The following CPPED1 variants were observed in gnomAD, a reference collection of about 807,000 sequenced individuals.
The protein encoded by CPPED1 is calcineurin like phosphoesterase domain containing 1.
In CPPED1, 28 loss-of-function variants were observed where a neutral mutation model predicts 28.0. That is an observed-to-expected ratio of 1.00 (90% CI 0.74 to 1.37). CPPED1 has a LOEUF of 1.37. Among genes scored for constraint, CPPED1 ranks in the 40% most tolerant of loss-of-function variants. CPPED1 has a pLI of 0.00. For missense variants in CPPED1, 504 were observed against 416.5 expected (o/e 1.21, Z -1.83); for synonymous variants, 198 against 180.2 (o/e 1.10, Z -0.79).
intron 2 of CPPED1, among the ~76,000 whole-genome samples, chr16:12,728,238 G>C (rs182347856): frequency 5.2e-4 from 79 of 152,268 alleles, no homozygotes; most frequent in African/African-American, 1.8e-3. Flanking sequence ...CAGTGTAAGA[G>C]AGGGGAGAAA....
At chr16:12,700,514 C>T (rs546441507) in intron 3 of CPPED1, among the ~76,000 whole-genome samples, 43 of 152,308 alleles carry the variant, frequency 2.8e-4, no homozygotes, top group African/African-American at 7.0e-4. Context: ...CCTCAGCCTC[C>T]GCAGTAGCTG....
At chr16:12,773,155 T>C (rs1270474510) in intron 2 of CPPED1, among the ~76,000 whole-genome samples, 2 of 152,194 alleles carry the variant, frequency 1.3e-5, no homozygotes, top group Non-Finnish European at 2.9e-5. Context: ...CTCTTAAGCA[T>C]TCTGCATAAA....
chr16:12,687,547 G>T (rs895311516), intron 3 of CPPED1, among the ~76,000 whole-genome samples: 19 of 152,204 alleles, frequency 1.2e-4, no homozygotes, highest in African/African-American at 3.9e-4. Flanking sequence ...GAGGTGGGCA[G>T]ATCACTTGAC....
rs2080526807 is a variant in CPPED1 at position 12,780,964 on chromosome 16, C to T, written c.289+221G>A. 17 of 566,708 alleles carry T rather than the reference C, an allele frequency of 3.0e-5. No homozygotes were observed. The South Asian group carries it at 3.5e-4, about 12-fold the overall frequency. 35.1% of individuals were successfully genotyped at this position (566,708 alleles called of 1,614,324 possible). A position where few individuals can be genotyped will look rare whatever the true frequency, so the allele number is the denominator to read the frequency against. ...TCATATTAAGCTCAAATCATCAGAACTGTAGCTGTGCCTAATTACTGTGAT... is the reference window on the plus strand; with the variant it reads ...TCATATTAAGCTCAAATCATCAGAATTGTAGCTGTGCCTAATTACTGTGAT... On this transcript the variant is annotated intron_variant, in intron 2 of 3. Coordinates refer to ENST00000381774, the MANE Select transcript of CPPED1 (RefSeq NM_018340.3).
chr16:12,734,058 GTTTTTTTTT>G (rs71142517), intron 2 of CPPED1, among the ~76,000 whole-genome samples: 13 of 64,422 alleles, frequency 2.0e-4, no homozygotes, highest in Non-Finnish European at 2.7e-4. Flanking sequence ...CAAATTACAC[GTTTTTTTTT>G]TTTTTTTTTT....
chr16:12,762,036 T>C (rs1005387969), intron 2 of CPPED1, among the ~76,000 whole-genome samples: 2 of 148,714 alleles, frequency 1.3e-5, no homozygotes. Context: ...AAGTGAACAA[T>C]GTCAGCACCA....
rs2079812329 is a variant in CPPED1 at position 12,664,238 on chromosome 16, T to G, written c.*648A>C. 2.5e-6 allele frequency: 1 copy of G among 400,074 alleles called. No homozygotes were observed. The highest frequency in any genetic ancestry group is 3.4e-6 in the Non-Finnish European group (1 of 294,670). 24.8% of individuals were successfully genotyped at this position (400,074 alleles called of 1,614,324 possible). ...GAAATGGCCAATTTATGTGCAAAGG[T>G]GACTTTTCTAGGCACCCAGGAAGGC... On this transcript the variant is annotated 3_prime_UTR_variant, in exon 4 of 4. Coordinates refer to ENST00000381774, the MANE Select transcript of CPPED1 (RefSeq NM_018340.3). This position sits in a 1 kb window ranked among gnomAD's most constrained non-coding sequence, Gnocchi z 4.2.
intron 2 of CPPED1, among the ~76,000 whole-genome samples, chr16:12,718,172 C>G (rs2080117488): frequency 6.6e-6 from 1 of 152,182 alleles, no homozygotes; most frequent in Admixed American, 6.5e-5. Context: ...ACTTCAGGTC[C>G]AATCCCTTAA....
intron 1 of CPPED1, 125 bp downstream of exon 1, chr16:12,803,582 T>C (rs2080673876): frequency 1.2e-6 from 1 of 820,342 alleles, no homozygotes; most frequent in Non-Finnish European, 1.7e-6. Flanking sequence ...CTATGGCGGC[T>C]CCCAGGCCCC....
chr16:12,679,805 C>A (rs573745509), intron 3 of CPPED1, among the ~76,000 whole-genome samples: 4 of 152,152 alleles, frequency 2.6e-5, no homozygotes, highest in African/African-American at 9.7e-5. Flanking sequence ...ACCTTCCCTC[C>A]CCAAGAGCAG....
intron 2 of CPPED1, among the ~76,000 whole-genome samples, chr16:12,763,938 G>GA (rs59073603): frequency 0.17 from 25,384 of 151,626 alleles, 2,821 homozygotes; most frequent in African/African-American, 0.32. Context: ...TTTGTCCACT[G>GA]AAAAAAGTGA....
chr16:12,747,296 A>G (rs1331368155), intron 2 of CPPED1, among the ~76,000 whole-genome samples: 6 of 151,922 alleles, frequency 3.9e-5, no homozygotes, highest in South Asian at 2.1e-4. Flanking sequence ...GCCAGGCACA[A>G]TGACTGGCAT....
chr16:12,794,720 T>TA (rs1221530910), intron 1 of CPPED1, among the ~76,000 whole-genome samples: 1 of 152,222 alleles, frequency 6.6e-6, no homozygotes, highest in Non-Finnish European at 1.5e-5. Flanking sequence ...GGTCGGATCT[T>TA]AGAGCATTTT....
At chr16:12,776,392 C>A (rs1246204128) in intron 2 of CPPED1, among the ~76,000 whole-genome samples, 1 of 152,136 alleles carries the variant, frequency 6.6e-6, no homozygotes, top group Non-Finnish European at 1.5e-5. Flanking sequence ...AACATACCAT[C>A]CTTTGGAATA....
At chr16:12,777,920 C>CT (rs2080507509) in intron 2 of CPPED1, among the ~76,000 whole-genome samples, 4 of 86,700 alleles carry the variant, frequency 4.6e-5, no homozygotes, top group South Asian at 7.0e-4. Context: ...TTTTTTTTTT[C>CT]TTTTTTTGAG....
At chr16:12,710,454 C>CA (rs201222533) in intron 2 of CPPED1, among the ~76,000 whole-genome samples, 5,596 of 106,808 alleles carry the variant, frequency 0.052, 334 homozygotes, top group African/African-American at 0.16. Context: ...TGTTACAGGC[C>CA]AAAAAAAAAA....
chr16:12,740,675 G>T (rs1448080973), intron 2 of CPPED1, among the ~76,000 whole-genome samples: 1 of 152,170 alleles, frequency 6.6e-6, no homozygotes, highest in Admixed American at 6.5e-5. Flanking sequence ...TTTTCAGCCA[G>T]CTGCAGGGGC....
intron 2 of CPPED1, among the ~76,000 whole-genome samples, chr16:12,756,518 CTG>C (rs1567297752): frequency 6.6e-6 from 1 of 152,066 alleles, no homozygotes; most frequent in African/African-American, 2.4e-5. Context: ...TGGCAAAACC[CTG>C]TGTCTACTAA....
At chr16:12,696,020 C>A (rs1596449473) in intron 3 of CPPED1, among the ~76,000 whole-genome samples, 1 of 152,252 alleles carries the variant, frequency 6.6e-6, no homozygotes, top group African/African-American at 2.4e-5. Context: ...AAACCAGTAC[C>A]CCCTTTTGTT....
Sources: allele counts gnomAD v4.1 joint callset (sites outside exome capture counted in the v4.1 genomes callset), GRCh38; gene constraint gnomAD v4.1.1; non-coding constraint Gnocchi (gnomAD v3.1); transcripts MANE v1.5; gene names NCBI Gene and HGNC (gene_info 2026-07-23, HGNC 2026-07-21).